Variants in SPIDR observed in about 807,000 individuals in gnomAD.
SPIDR encodes scaffold protein involved in DNA repair, also known as DNA repair-scaffolding protein.
A neutral mutation model predicts 104.6 loss-of-function variants in SPIDR; 93 were observed. The ratio of observed to expected loss-of-function variants is 0.89; its 90% confidence interval spans 0.75 to 1.06. SPIDR has a LOEUF of 1.06. Ranked by LOEUF, SPIDR falls within the 50% of genes least tolerant of loss-of-function variation. SPIDR has a pLI of 0.00. For missense variants in SPIDR, 1,154 were observed against 1,111.2 expected (o/e 1.04, Z -0.55); for synonymous variants, 431 against 416.9 (o/e 1.03, Z -0.41).
At chr8:47,321,510 C>T (rs1035712462) in intron 5 of SPIDR, among the ~76,000 whole-genome samples, 1 of 152,158 alleles carries the variant, frequency 6.6e-6, no homozygotes, top group Admixed American at 6.5e-5. Context: ...ATGAAAATGG[C>T]CATACTGCCC....
intron 8 of SPIDR, among the ~76,000 whole-genome samples, chr8:47,587,522 C>T (rs1209588239): frequency 6.7e-6 from 1 of 150,112 alleles, no homozygotes; most frequent in Non-Finnish European, 1.5e-5. Context: ...AGGAGAATCA[C>T]TTGAACCTGG....
At chr8:47,570,923 T>C (rs1259331429) in intron 8 of SPIDR, among the ~76,000 whole-genome samples, 4 of 152,056 alleles carry the variant, frequency 2.6e-5, no homozygotes, top group African/African-American at 9.7e-5. Flanking sequence ...AAACCCCGTC[T>C]CTACTAAAAA....
chr8:47,531,780 G>C (rs547829176), intron 8 of SPIDR, among the ~76,000 whole-genome samples: 2 of 152,274 alleles, frequency 1.3e-5, no homozygotes, highest in East Asian at 3.9e-4. Flanking sequence ...TCAGCTCCAT[G>C]ATAAACTTAC....
At chr8:47,287,862 A>C (rs1052239982) in intron 3 of SPIDR, among the ~76,000 whole-genome samples, 5 of 152,226 alleles carry the variant, frequency 3.3e-5, no homozygotes, top group Non-Finnish European at 5.9e-5. Flanking sequence ...CAGTTTATGA[A>C]GATAACAGGA....
chr8:47,682,258 A>G (rs1187295179), intron 11 of SPIDR, among the ~76,000 whole-genome samples: 132 of 149,534 alleles, frequency 8.8e-4, no homozygotes, highest in Middle Eastern at 3.4e-3. Context: ...TAAGTCCAAA[A>G]AAAAAAAAAA....
chr8:47,449,889 G>T (rs1393457543), intron 8 of SPIDR, among the ~76,000 whole-genome samples: 1 of 152,194 alleles, frequency 6.6e-6, no homozygotes, highest in Admixed American at 6.5e-5. Context: ...AAATTTGTCA[G>T]CCCAGTGCAG....
At chr8:47,390,569 A>G (rs2060467544) in intron 5 of SPIDR, among the ~76,000 whole-genome samples, 1 of 151,654 alleles carries the variant, frequency 6.6e-6, no homozygotes, top group Non-Finnish European at 1.5e-5. Flanking sequence ...AGAGAAATAT[A>G]GGACATATCA....
At chr8:47,551,829 C>G (rs1239682460) in intron 8 of SPIDR, among the ~76,000 whole-genome samples, 20 of 152,056 alleles carry the variant, frequency 1.3e-4, no homozygotes, top group Non-Finnish European at 5.9e-5. Flanking sequence ...AATTTTTTTG[C>G]TCTTGCTTCT....
chr8:47,673,988 C>A (rs1022476325), intron 11 of SPIDR, 47 bp downstream of exon 11: 27 of 1,588,152 alleles, frequency 1.7e-5, no homozygotes, highest in Non-Finnish European at 2.2e-5. Context: ...ATTGTTGGTT[C>A]TTTTTCTTAG....
chr8:47,492,408 C>T (rs1247521680), intron 8 of SPIDR, among the ~76,000 whole-genome samples: 2 of 152,170 alleles, frequency 1.3e-5, no homozygotes, highest in African/African-American at 4.8e-5. Flanking sequence ...CCCCAAGAAA[C>T]AGATAAACCA....
At chr8:47,713,215 G>A (rs889503359) in intron 15 of SPIDR, 1 of 599,990 alleles carries the variant, frequency 1.7e-6, no homozygotes, top group African/African-American at 1.8e-5. Context: ...CTAAAATCCT[G>A]CCTCAGCTAT....
At chr8:47,624,194 C>T (rs948267395) in intron 10 of SPIDR, among the ~76,000 whole-genome samples, 32 of 152,138 alleles carry the variant, frequency 2.1e-4, no homozygotes, top group Non-Finnish European at 4.4e-4. Flanking sequence ...CCAATGAGAA[C>T]AAAGACACAA....
intron 7 of SPIDR, among the ~76,000 whole-genome samples, chr8:47,409,767 G>C (rs1298811909): frequency 2.6e-5 from 4 of 152,132 alleles, no homozygotes; most frequent in Non-Finnish European, 5.9e-5. Flanking sequence ...GGTGGCTCAT[G>C]CCTGTAATCT....
intron 8 of SPIDR, among the ~76,000 whole-genome samples, chr8:47,579,028 T>C (rs2059435200): frequency 6.6e-6 from 1 of 152,260 alleles, no homozygotes; most frequent in Non-Finnish European, 1.5e-5. Context: ...TAGAGTCATT[T>C]TCTAAGACTT....
At chr8:47,278,951 C>T (rs2037155204) in intron 1 of SPIDR, among the ~76,000 whole-genome samples, 1 of 151,860 alleles carries the variant, frequency 6.6e-6, no homozygotes, top group African/African-American at 2.4e-5. Flanking sequence ...TGCAGTGGTG[C>T]AGTCAGCTCA....
At chr8:47,302,494 G>A (rs1397692442) in intron 5 of SPIDR, among the ~76,000 whole-genome samples, 1 of 152,190 alleles carries the variant, frequency 6.6e-6, no homozygotes, top group Non-Finnish European at 1.5e-5. Flanking sequence ...GTGAGGAGCT[G>A]TGTTCCTTTG....
intron 8 of SPIDR, among the ~76,000 whole-genome samples, chr8:47,488,290 A>G (rs1396023543): frequency 6.6e-6 from 1 of 152,246 alleles, no homozygotes; most frequent in Non-Finnish European, 1.5e-5. Flanking sequence ...CACCCTTCCA[A>G]GACTAAACCA....
At chr8:47,666,807 A>G (rs2074995140) in intron 10 of SPIDR, among the ~76,000 whole-genome samples, 1 of 152,236 alleles carries the variant, frequency 6.6e-6, no homozygotes, top group Non-Finnish European at 1.5e-5. Context: ...GTTAATAACA[A>G]AAACATATAT....
intron 8 of SPIDR, among the ~76,000 whole-genome samples, chr8:47,591,200 G>GT (rs201529175): frequency 0.021 from 3,010 of 142,560 alleles, 49 homozygotes; most frequent in African/African-American, 0.042. Context: ...TTGTTCTCTG[G>GT]TTTTTTTTTT....
Sources: gnomAD v4.1 joint callset for allele counts (sites outside exome capture counted in the v4.1 genomes callset) on GRCh38, gnomAD v4.1.1 for gene constraint, MANE v1.5 for transcripts, NCBI Gene and HGNC (gene_info 2026-07-23, HGNC 2026-07-21) for gene names.